The following PPP2R2A variants were observed in gnomAD, a reference collection of about 807,000 sequenced individuals.
PPP2R2A encodes protein phosphatase 2 regulatory subunit Balpha, also known as serine/threonine-protein phosphatase 2A 55 kDa regulatory subunit B alpha isoform.
In PPP2R2A, 9 loss-of-function variants were observed where a neutral mutation model predicts 53.2. The ratio of observed to expected loss-of-function variants is 0.17; its 90% CI spans 0.10 to 0.30. The LOEUF (loss-of-function observed/expected upper bound fraction) is 0.30, where lower values mean the gene tolerates loss of function less well. Among genes scored for constraint, PPP2R2A ranks in the 10% least tolerant of loss-of-function variants. PPP2R2A has a pLI of 1.00. For synonymous variants in PPP2R2A, 169 were observed against 174.2 expected, an observed-to-expected ratio of 0.97 and a Z score of 0.23; for missense variants, 235 against 534.6, an observed-to-expected ratio of 0.44 and a Z score of 5.53.
At chr8:26,328,719 A>C (rs538469580) in intron 2 of PPP2R2A, among the ~76,000 whole-genome samples, 11 of 152,358 alleles carry the variant, frequency 7.2e-5, no homozygotes, top group Non-Finnish European at 1.5e-4. Context: ...GGGTATGTGC[A>C]AGCACATATG....
At chr8:26,365,650 CTT>C (rs1805334445) in intron 8 of PPP2R2A, 1 of 152,018 alleles carries the variant, frequency 6.6e-6, no homozygotes, top group East Asian at 1.9e-4. Flanking sequence ...ATTTCTCAGA[CTT>C]TTTAAATATG....
rs1805702343 is a variant in PPP2R2A, at chr8:26,372,648, C to G, written c.*2235C>G. The G allele has an allele frequency of 6.6e-6, 1 of 152,086 alleles. No homozygotes were observed. The allele number at this position is 152,086 out of a possible 1,614,324, so 9.4% of individuals were successfully genotyped here. On this transcript the variant is annotated 3_prime_UTR_variant, in exon 10 of 10. Coordinates refer to ENST00000380737, the MANE Select transcript of PPP2R2A (RefSeq NM_002717.4). Reference sequence around the variant, plus strand: ...CTCATTTTACATGGCCATGGTTAATCTTTTTATTAATAAAAATTATACTTA... The same window carrying G: ...CTCATTTTACATGGCCATGGTTAATGTTTTTATTAATAAAAATTATACTTA...
intron 2 of PPP2R2A, among the ~76,000 whole-genome samples, chr8:26,314,223 C>T (rs1432819889): frequency 6.6e-6 from 1 of 152,188 alleles, no homozygotes; most frequent in Admixed American, 6.5e-5. Context: ...ATCTTCAAAT[C>T]CTCTGCAGAG....
intron 2 of PPP2R2A, among the ~76,000 whole-genome samples, chr8:26,319,395 A>G (rs1802720435): frequency 6.6e-6 from 1 of 152,256 alleles, no homozygotes; most frequent in Non-Finnish European, 1.5e-5. Context: ...ACTGTTTTCC[A>G]TAGTGGCAGC....
chr8:26,308,857 A>AAT (rs148077226), intron 2 of PPP2R2A, among the ~76,000 whole-genome samples: 3,342 of 149,540 alleles, frequency 0.022, 70 homozygotes, highest in South Asian at 0.11. Flanking sequence ...AGCCTTACAA[A>AAT]ATATATATAT....
chr8:26,337,308 G>A (rs1270434522), intron 2 of PPP2R2A, among the ~76,000 whole-genome samples: 4 of 152,206 alleles, frequency 2.6e-5, no homozygotes, highest in African/African-American at 7.2e-5. Flanking sequence ...CTGGACTTAC[G>A]AGAAAGAATT....
chr8:26,350,147 A>G (rs918438503), intron 3 of PPP2R2A, among the ~76,000 whole-genome samples: 3 of 151,814 alleles, frequency 2.0e-5, no homozygotes, highest in African/African-American at 7.3e-5. Context: ...GCTCACTGCA[A>G]CCTCCTCCTC....
chr8:26,315,426 G>A (rs190695844), intron 2 of PPP2R2A, among the ~76,000 whole-genome samples: 33 of 152,308 alleles, frequency 2.2e-4, no homozygotes, highest in Admixed American at 2.1e-3. Context: ...GAAGATCACC[G>A]AGCAACTCAT....
At chr8:26,331,093 C>T (rs1252260862) in intron 2 of PPP2R2A, among the ~76,000 whole-genome samples, 3 of 152,074 alleles carry the variant, frequency 2.0e-5, no homozygotes, top group East Asian at 1.9e-4. Context: ...CTAAGTGAGC[C>T]GCCTATAGAT....
intron 9 of PPP2R2A, 125 bp downstream of exon 9, chr8:26,366,531 A>T (rs1805384600): frequency 3.3e-6 from 2 of 606,368 alleles, no homozygotes; most frequent in South Asian, 5.4e-5. Context: ...GATATAGCAC[A>T]GCAGTACTGG....
At chr8:26,320,439 CG>C (rs1439902566) in intron 2 of PPP2R2A, among the ~76,000 whole-genome samples, 2 of 151,914 alleles carry the variant, frequency 1.3e-5, no homozygotes, top group African/African-American at 2.4e-5. Flanking sequence ...ATGTAGGGAA[CG>C]TTTTTTTAAT....
At position 26,313,755 on chromosome 8, in the gene PPP2R2A, T is replaced by C. The variant is rs369590887; in HGVS notation, c.82+20015T>C. Among the ~76,000 whole-genome samples, 10 of 152,262 alleles carry C rather than the reference T, an allele frequency of 6.6e-5. No homozygotes were observed. In the East Asian group the frequency reaches 7.7e-4, roughly 12 times the overall value. On this transcript the variant is annotated intron_variant, in intron 2 of 9. Transcript: ENST00000380737. ...AAGGAAAGGGTCACAAGCCAAGAAA[T>C]GCAGGTGGCCTCCAGAAGCGAGGAA...
chr8:26,309,022 G>A (rs1330461431), intron 2 of PPP2R2A, among the ~76,000 whole-genome samples: 1 of 152,042 alleles, frequency 6.6e-6, no homozygotes, highest in Non-Finnish European at 1.5e-5. Flanking sequence ...CACTACACCT[G>A]GCTCATATTT....
At chr8:26,325,269 T>C (rs1256850813) in intron 2 of PPP2R2A, among the ~76,000 whole-genome samples, 4 of 152,040 alleles carry the variant, frequency 2.6e-5, no homozygotes, top group African/African-American at 9.7e-5. Flanking sequence ...GGCTGGTCTT[T>C]GCTGTGCTAT....
intron 2 of PPP2R2A, among the ~76,000 whole-genome samples, chr8:26,335,362 TTTTG>T (rs1256175607): frequency 1.3e-5 from 2 of 152,214 alleles, no homozygotes; most frequent in Non-Finnish European, 2.9e-5. Context: ...TTCTCTTCTC[TTTTG>T]TTTAAGGGAG....
intron 2 of PPP2R2A, among the ~76,000 whole-genome samples, chr8:26,303,239 A>G (rs1188780225): frequency 1.3e-5 from 2 of 152,214 alleles, no homozygotes; most frequent in South Asian, 2.1e-4. Context: ...TAAAGTATCT[A>G]TTTTTAAACT....
At position 26,362,017 on chromosome 8, in the gene PPP2R2A, ATTAAGATTAGATTAAGATTAATC is replaced by A. The variant is rs1331967559; in HGVS notation, c.638-644_638-622del. 0.013 allele frequency among the ~76,000 whole-genome samples: 1,661 copies of A among 125,854 alleles called. 34 individuals are homozygous for A. Among genetic ancestry groups the A allele is most frequent in the African/African-American group, 0.042 (1,376 of 32,938 alleles). The allele number at this position is 125,854 out of a possible 152,430, so 82.6% of individuals were successfully genotyped here. On this transcript the variant is annotated intron_variant, in intron 6 of 9. Coordinates refer to ENST00000380737, the MANE Select transcript of PPP2R2A (RefSeq NM_002717.4). This position sits in a 1 kb window ranked among gnomAD's most constrained non-coding sequence, Gnocchi z 4.4. Reference sequence around the variant, plus strand: ...TTATATTAATTGATATTAAGATTAGATTAAGATTAGATTAAGATTAATCTTAAGATTAGATTAAGATTAATTTT... The same window carrying A: ...TTATATTAATTGATATTAAGATTAGATTAAGATTAGATTAAGATTAATTTT...
At chr8:26,301,442 C>T (rs772483351) in intron 2 of PPP2R2A, among the ~76,000 whole-genome samples, 3 of 151,708 alleles carry the variant, frequency 2.0e-5, no homozygotes, top group Non-Finnish European at 4.4e-5. Flanking sequence ...AAGCGATCCT[C>T]CTGCCCCAGC....
rs967782982 is a variant in PPP2R2A, at chr8:26,292,388, C to G, written c.7+562C>G. On this transcript the variant is annotated intron_variant, in intron 1 of 9. Coordinates refer to ENST00000380737, the MANE Select transcript of PPP2R2A (RefSeq NM_002717.4). ...GGAAGCCTAAATTTTTTGTTTCGAA[C>G]CATTTCGTTTCCGTTTCTTCCCTTT... 4 of 985,660 alleles carry G rather than the reference C, an allele frequency of 4.1e-6. No individual in the cohort carries two copies. In the African/African-American group the frequency reaches 5.2e-5, roughly 13 times the overall value. 61.1% of individuals were successfully genotyped at this position (985,660 alleles called of 1,614,324 possible).
Sources: allele counts gnomAD v4.1 joint callset (sites outside exome capture counted in the v4.1 genomes callset), GRCh38; gene constraint gnomAD v4.1.1; non-coding constraint Gnocchi (gnomAD v3.1); transcripts MANE v1.5; gene names NCBI Gene and HGNC (gene_info 2026-07-23, HGNC 2026-07-21).